The following LRP1B variants were observed in gnomAD, a reference collection of about 807,000 sequenced individuals.
LRP1B encodes the protein LDL receptor related protein 1B.
A neutral mutation model predicts 556.6 loss-of-function variants in LRP1B; 217 were observed. The ratio of observed to expected loss-of-function variants is 0.39; its 90% confidence interval spans 0.35 to 0.44. LRP1B has a LOEUF of 0.44. Among genes scored for constraint, LRP1B ranks in the 20% least tolerant of loss-of-function variants. The pLI is 1.00. For missense variants in LRP1B, 5,053 were observed against 5,620.8 expected (o/e 0.90, Z 3.23); for synonymous variants, 2,047 against 1,865.8 (o/e 1.10, Z -2.50).
At chr2:141,916,471 C>T (rs966610086) in intron 1 of LRP1B, among the ~76,000 whole-genome samples, 9 of 151,906 alleles carry the variant, frequency 5.9e-5, no homozygotes, top group African/African-American at 1.4e-4. Flanking sequence ...TTCACGCCAT[C>T]CTCCTGCCTC....
At chr2:141,003,065 A>T (rs1408199965) in intron 15 of LRP1B, among the ~76,000 whole-genome samples, 1 of 152,022 alleles carries the variant, frequency 6.6e-6, no homozygotes, top group African/African-American at 2.4e-5. Flanking sequence ...CCTAAAGAAG[A>T]TGTAACAATG....
At chr2:142,079,637 G>T (rs1187882603) in intron 1 of LRP1B, among the ~76,000 whole-genome samples, 2 of 152,048 alleles carry the variant, frequency 1.3e-5, no homozygotes, top group Non-Finnish European at 2.9e-5. Context: ...AGCATCCTGA[G>T]TAGCTGAGAT....
intron 2 of LRP1B, among the ~76,000 whole-genome samples, chr2:141,709,365 T>TAAATAAAATAAAATA (rs70994445): frequency 0.01 from 1,500 of 148,052 alleles, 16 homozygotes; most frequent in African/African-American, 0.019. Flanking sequence ...TAAAAGAAAA[T>TAAATAAAATAAAATA]AAATAAAATA....
At chr2:140,937,181 G>A (rs924702262) in intron 20 of LRP1B, among the ~76,000 whole-genome samples, 7 of 152,050 alleles carry the variant, frequency 4.6e-5, no homozygotes, top group African/African-American at 1.7e-4. Context: ...AGTAATGCAG[G>A]AATTGAGGAA....
chr2:141,212,519 C>T (rs1012298332), intron 6 of LRP1B, among the ~76,000 whole-genome samples: 1 of 151,014 alleles, frequency 6.6e-6, no homozygotes, highest in African/African-American at 2.4e-5. Flanking sequence ...CTCCTGACCT[C>T]GTGATCTGCC....
intron 2 of LRP1B, among the ~76,000 whole-genome samples, chr2:141,609,992 A>C (rs556966927): frequency 6.6e-6 from 1 of 152,318 alleles, no homozygotes; most frequent in East Asian, 1.9e-4. Flanking sequence ...TTTTATTTGT[A>C]CACCAGGGAT....
intron 1 of LRP1B, among the ~76,000 whole-genome samples, chr2:142,077,798 G>A (rs1227799581): frequency 2.0e-5 from 3 of 152,070 alleles, no homozygotes; most frequent in Non-Finnish European, 4.4e-5. Flanking sequence ...CTGCCCAGAA[G>A]GCCTCAGAAA....
At chr2:140,766,444 A>T (rs148429495) in intron 35 of LRP1B, among the ~76,000 whole-genome samples, 25 of 152,176 alleles carry the variant, frequency 1.6e-4, no homozygotes, top group African/African-American at 6.0e-4. Flanking sequence ...AGTAGATGGA[A>T]GTAACACAAG....
At chr2:141,435,216 G>T (rs1396762730) in intron 3 of LRP1B, among the ~76,000 whole-genome samples, 1 of 152,180 alleles carries the variant, frequency 6.6e-6, no homozygotes, top group South Asian at 2.1e-4. Flanking sequence ...TTGGTCAGAG[G>T]TTGTATTTAA....
At chr2:142,089,887 C>A (rs968902276) in intron 1 of LRP1B, among the ~76,000 whole-genome samples, 2 of 152,096 alleles carry the variant, frequency 1.3e-5, no homozygotes. Context: ...TCTTGTATTA[C>A]TTGGCTTTTG....
At chr2:140,437,625 A>G (rs1164367105) in intron 66 of LRP1B, among the ~76,000 whole-genome samples, 1 of 152,206 alleles carries the variant, frequency 6.6e-6, no homozygotes, top group Non-Finnish European at 1.5e-5. Flanking sequence ...CTTTTCCCCC[A>G]TAGGTTATCT....
rs181801444 is a variant in LRP1B at position 141,374,952 on chromosome 2, C to T, written c.343+105444G>A. On this transcript the variant is annotated intron_variant, in intron 3 of 90. Transcript: ENST00000389484. ...CACACTTCCCTGCTTTTACACATTT[C>T]CTGTGTCCTTGTGTTGACATCTGCA... 7.9e-5 allele frequency among the ~76,000 whole-genome samples: 12 copies of T among 152,232 alleles called. No individual in the cohort carries two copies. The East Asian group carries it at 2.3e-3, about 29-fold the overall frequency.
At chr2:141,578,451 T>C (rs938216593) in intron 2 of LRP1B, among the ~76,000 whole-genome samples, 1 of 151,890 alleles carries the variant, frequency 6.6e-6, no homozygotes, top group Non-Finnish European at 1.5e-5. Context: ...CCCACCATCT[T>C]TGCTTGAAGA....
In LRP1B at chr2:141,129,584, CG is replaced by C. The variant is rs71391646; in HGVS notation, c.1013+58836del. Among the ~76,000 whole-genome samples, 22 of 126,128 alleles carry C rather than the reference CG, an allele frequency of 1.7e-4. No individual in the cohort carries two copies. In the South Asian group the frequency reaches 2.8e-3, roughly 16 times the overall value. The allele number at this position is 126,128 out of a possible 152,430, so 82.7% of individuals were successfully genotyped here. On this transcript the variant is annotated intron_variant, in intron 7 of 90. Coordinates refer to ENST00000389484, the MANE Select transcript of LRP1B (RefSeq NM_018557.3). Reference sequence around the variant, plus strand: ...ACAGTAGTGTGTGTGGGGGGAGGGGCGGGGGGTGAAAGTCAAATCAATTCAC... The same window carrying C: ...ACAGTAGTGTGTGTGGGGGGAGGGGCGGGGGTGAAAGTCAAATCAATTCAC...
chr2:140,651,706 A>G (rs1250801415), intron 41 of LRP1B, among the ~76,000 whole-genome samples: 1 of 152,124 alleles, frequency 6.6e-6, no homozygotes, highest in African/African-American at 2.4e-5. Context: ...ATGACCTAGA[A>G]TAGTTGCAGT....
chr2:141,264,442 G>A (rs775336952), intron 3 of LRP1B, among the ~76,000 whole-genome samples: 4 of 151,988 alleles, frequency 2.6e-5, no homozygotes, highest in Non-Finnish European at 5.9e-5. Context: ...CTGAGTTGGC[G>A]GTATTTAGTT....
chr2:141,832,542 T>C (rs1263815530), intron 1 of LRP1B, among the ~76,000 whole-genome samples: 3 of 151,810 alleles, frequency 2.0e-5, no homozygotes, highest in Non-Finnish European at 4.4e-5. Flanking sequence ...ATTATTCTGA[T>C]GAACATTTTG....
chr2:141,950,880 C>CA, intron 1 of LRP1B, among the ~76,000 whole-genome samples: 1 of 152,074 alleles, frequency 6.6e-6, no homozygotes, highest in Non-Finnish European at 1.5e-5. Flanking sequence ...ATGCCTAAAT[C>CA]TTTGATAAAC....
At chr2:141,314,890 A>C (rs980652580) in intron 3 of LRP1B, among the ~76,000 whole-genome samples, 5 of 144,590 alleles carry the variant, frequency 3.5e-5, no homozygotes, top group African/African-American at 1.3e-4. Flanking sequence ...ATATATACAT[A>C]TATACATATA....
Sources: gnomAD v4.1 joint callset for allele counts (sites outside exome capture counted in the v4.1 genomes callset) on GRCh38, gnomAD v4.1.1 for gene constraint, MANE v1.5 for transcripts, NCBI Gene and HGNC (gene_info 2026-07-23, HGNC 2026-07-21) for gene names.